The following MME variants were observed in gnomAD, a reference collection of about 807,000 sequenced individuals.
The protein encoded by MME is membrane metalloendopeptidase.
Under a neutral mutation model 113.2 loss-of-function variants are expected in MME, and 98 were observed. That is an observed-to-expected ratio of 0.87 (90% confidence interval 0.74 to 1.02). MME has a LOEUF of 1.02. Among genes scored for constraint, MME ranks in the 50% least tolerant of loss-of-function variants. The probability of loss-of-function intolerance (pLI) is 0.00; values close to 1 mark genes in which losing one functional copy is unlikely to be tolerated. For missense variants in MME, 836 were observed against 896.0 expected (o/e 0.93, Z 0.86); for synonymous variants, 292 against 300.6 (o/e 0.97, Z 0.30).
intron 3 of MME, among the ~76,000 whole-genome samples, chr3:155,095,646 C>T (rs1229003255): frequency 6.6e-6 from 1 of 152,136 alleles, no homozygotes; most frequent in Non-Finnish European, 1.5e-5. Context: ...TCCCAAGCAG[C>T]TAGAACAACA....
At chr3:155,074,831 G>A (rs1458203208), upstream of MME, among the ~76,000 whole-genome samples, 1 of 152,072 alleles carries the variant, frequency 6.6e-6, no homozygotes, top group African/African-American at 2.4e-5. Context: ...GTCCAAAAAT[G>A]TGTTATGAAA....
chr3:155,044,917 A>G (rs190406636), intron 1 of MME, among the ~76,000 whole-genome samples: 12 of 152,076 alleles, frequency 7.9e-5, no homozygotes, highest in Admixed American at 2.0e-4. Context: ...TAATAGTGTA[A>G]GTGAGCTTGG....
At chr3:155,173,130 TAGA>T (rs1268616908) in intron 22 of MME, among the ~76,000 whole-genome samples, 2 of 152,188 alleles carry the variant, frequency 1.3e-5, no homozygotes, top group South Asian at 4.1e-4. Context: ...AAAACTGAGC[TAGA>T]AGAAGTTAAA....
In MME at chr3:155,148,547, C is replaced by A; in HGVS notation, c.1498-3C>A. 6.3e-7 allele frequency: 1 copy of A among 1,579,436 alleles called. No homozygotes were observed. The highest frequency in any genetic ancestry group is 8.7e-7 in the Non-Finnish European group (1 of 1,149,196). On this transcript the variant is annotated splice_region_variant and splice_polypyrimidine_tract_variant and intron_variant, in intron 15 of 22. Transcript: ENST00000360490. ...TTCTTCCCAAATCTTCTTTATAATA[C>A]AGTTGAACTACAAAGAAGATGAATA...
chr3:155,130,156 A>G (rs910464858), intron 8 of MME, among the ~76,000 whole-genome samples: 1 of 152,188 alleles, frequency 6.6e-6, no homozygotes. Flanking sequence ...TATGCTCTGT[A>G]CTGATGTTTG....
chr3:155,052,672 G>T (rs1713800836), intron 1 of MME, among the ~76,000 whole-genome samples: 2 of 152,276 alleles, frequency 1.3e-5, no homozygotes, highest in South Asian at 4.1e-4. Flanking sequence ...TTTCCTCCTA[G>T]GCCTCTGGGC....
upstream of MME, chr3:155,080,162 A>T (rs1383860684): frequency 6.6e-6 from 1 of 152,354 alleles, no homozygotes; most frequent in Non-Finnish European, 1.5e-5. Context: ...GTCCAGCGCG[A>T]TCCGAGCGCC....
intron 14 of MME, among the ~76,000 whole-genome samples, chr3:155,146,916 G>A (rs1393434475): frequency 1.3e-5 from 2 of 152,142 alleles, no homozygotes; most frequent in Non-Finnish European, 2.9e-5. Flanking sequence ...TGAGAAAGCT[G>A]CAGCCTATAA....
At chr3:155,029,539 A>G (rs1405926032) in intron 1 of MME, among the ~76,000 whole-genome samples, 2 of 150,666 alleles carry the variant, frequency 1.3e-5, no homozygotes, top group African/African-American at 5.0e-5. Context: ...TTAATTACAC[A>G]TAAAATTAAT....
intron 1 of MME, among the ~76,000 whole-genome samples, chr3:155,054,145 C>A: frequency 6.6e-6 from 1 of 152,170 alleles, no homozygotes; most frequent in East Asian, 1.9e-4. Context: ...TACACTAGTA[C>A]AGTGTAGAAT....
intron 1 of MME, among the ~76,000 whole-genome samples, chr3:155,035,638 G>C (rs1713104163): frequency 6.6e-6 from 1 of 151,288 alleles, no homozygotes; most frequent in South Asian, 2.1e-4. Flanking sequence ...TATATGGGGG[G>C]CAGGTACCCA....
At chr3:155,088,169 A>G (rs1417138112) in intron 3 of MME, among the ~76,000 whole-genome samples, 1 of 151,942 alleles carries the variant, frequency 6.6e-6, no homozygotes, top group African/African-American at 2.4e-5. Context: ...ACACACCCTC[A>G]TGGATACACT....
At chr3:155,115,588 C>T (rs1356774324) in intron 4 of MME, among the ~76,000 whole-genome samples, 1 of 152,082 alleles carries the variant, frequency 6.6e-6, no homozygotes, top group Non-Finnish European at 1.5e-5. Context: ...GCCATTACAC[C>T]CAGCTAATTT....
At chr3:155,063,706 TATTA>T (rs919079566) in intron 1 of MME, among the ~76,000 whole-genome samples, 15 of 135,392 alleles carry the variant, frequency 1.1e-4, no homozygotes, top group Admixed American at 7.7e-4. Flanking sequence ...TATTATATTA[TATTA>T]TATTATATAT....
chr3:155,171,507 T>C (rs1320322697), intron 20 of MME, among the ~76,000 whole-genome samples: 3 of 152,206 alleles, frequency 2.0e-5, no homozygotes, highest in Admixed American at 2.0e-4. Context: ...TCTTTAAGAA[T>C]TAAGAGGATT....
intron 3 of MME, among the ~76,000 whole-genome samples, chr3:155,097,684 A>T (rs1371688266): frequency 4.6e-5 from 7 of 152,232 alleles, no homozygotes; most frequent in African/African-American, 1.7e-4. Context: ...GATGGCTGAA[A>T]TGCAAACATG....
chr3:155,077,984 C>T (rs1714817660), upstream of MME, among the ~76,000 whole-genome samples: 2 of 150,946 alleles, frequency 1.3e-5, no homozygotes, highest in African/African-American at 4.9e-5. Context: ...GTGTGTAGAT[C>T]ACTTGAGGCC....
At chr3:155,042,553 C>T (rs1310272866) in intron 1 of MME, among the ~76,000 whole-genome samples, 3 of 151,976 alleles carry the variant, frequency 2.0e-5, no homozygotes, top group Non-Finnish European at 4.4e-5. Flanking sequence ...CTGTTTGAAT[C>T]TTTACATTTT....
intron 1 of MME, among the ~76,000 whole-genome samples, chr3:155,034,881 C>A (rs1350364905): frequency 2.0e-5 from 3 of 152,122 alleles, no homozygotes; most frequent in Non-Finnish European, 4.4e-5. Flanking sequence ...TTTCATATTT[C>A]CTGACAAATT....
Sources: gnomAD v4.1 joint callset for allele counts (sites outside exome capture counted in the v4.1 genomes callset) on GRCh38, gnomAD v4.1.1 for gene constraint, MANE v1.5 for transcripts, NCBI Gene and HGNC (gene_info 2026-07-23, HGNC 2026-07-21) for gene names.